The following ZMIZ1 variants were observed in gnomAD, a reference collection of about 807,000 sequenced individuals.
The protein encoded by ZMIZ1 is zinc finger MIZ-type containing 1.
ZMIZ1 carries 17 observed loss-of-function variants against 113.9 expected under a neutral mutation model. The ratio of observed to expected loss-of-function variants is 0.15; its 90% CI spans 0.10 to 0.22. ZMIZ1 has a LOEUF of 0.22. Among genes scored for constraint, ZMIZ1 ranks in the 10% least tolerant of loss-of-function variants. The pLI, the probability that ZMIZ1 is intolerant of heterozygous loss-of-function variation, is 1.00. For missense variants in ZMIZ1, 1,059 were observed against 1,477.8 expected, an observed-to-expected ratio of 0.72 and a Z score of 4.65; for synonymous variants, 607 against 603.1, an observed-to-expected ratio of 1.01 and a Z score of -0.09.
chr10:79,077,335 T>C (rs1232430772), intron 1 of ZMIZ1, among the ~76,000 whole-genome samples: 1 of 152,194 alleles, frequency 6.6e-6, no homozygotes, highest in Non-Finnish European at 1.5e-5. Flanking sequence ...TGAAACCCTT[T>C]CCTGGTGTGT....
intron 7 of ZMIZ1, among the ~76,000 whole-genome samples, chr10:79,233,965 G>A (rs1028976171): frequency 6.6e-6 from 1 of 152,098 alleles, no homozygotes; most frequent in Non-Finnish European, 1.5e-5. Context: ...GTCTTGCCGG[G>A]GGAGTCAGGC....
chr10:79,106,365 A>G (rs1421091243), intron 1 of ZMIZ1, among the ~76,000 whole-genome samples: 1 of 152,248 alleles, frequency 6.6e-6, no homozygotes, highest in African/African-American at 2.4e-5. Context: ...AGTGCTATAC[A>G]GAATAGCAAT....
chr10:79,296,684 GC>G lies in ZMIZ1; in HGVS notation c.1413+35del. The G allele has an allele frequency of 6.6e-7, 1 of 1,520,280 alleles. No homozygotes were observed. The allele number at this position is 1,520,280 out of a possible 1,614,324, so 94.2% of individuals were successfully genotyped here. On this transcript the variant is annotated intron_variant, in intron 13 of 24. Coordinates refer to ENST00000334512, the MANE Select transcript of ZMIZ1 (RefSeq NM_020338.4). The surrounding 1 kb of genome is among the most constrained non-coding windows in gnomAD (Gnocchi z 4.1). Reference sequence around the variant, plus strand: ...TCCCAGCCTCGCCACCACCCACGGGGCCCCTTCCCTCCTAACCACCTCACTC... The same window carrying G: ...TCCCAGCCTCGCCACCACCCACGGGGCCCTTCCCTCCTAACCACCTCACTC...
intron 7 of ZMIZ1, among the ~76,000 whole-genome samples, chr10:79,217,912 A>C (rs983184179): frequency 1.3e-5 from 2 of 152,262 alleles, no homozygotes; most frequent in Non-Finnish European, 2.9e-5. Context: ...ATAATGACTT[A>C]AGTCAATACA....
Position 79,289,780 on chromosome 10 carries a change from G to A in ZMIZ1, c.431G>A (p.Gly144Glu). The change falls in exon 9 of 25, where the codon GGG becomes GAG. Residue 144 changes from glycine to glutamate, a missense_variant. Coordinates refer to ENST00000334512, the MANE Select transcript of ZMIZ1 (RefSeq NM_020338.4). ...SMKPTLSHSD[G>E]SFPYDSVPWQ... is the part of the protein sequence containing the mutation. ...CCCTCTGTCTCCCTCTGCAGTGATG[G>A]GTCGTTCCCCTATGACTCTGTCCCT... The A allele has an allele frequency of 6.2e-7, 1 of 1,613,798 alleles. No individual in the cohort carries two copies.
chr10:79,218,337 C>T (rs1038210041), intron 7 of ZMIZ1, among the ~76,000 whole-genome samples: 10 of 151,874 alleles, frequency 6.6e-5, no homozygotes, highest in East Asian at 3.9e-4. Flanking sequence ...TAGCTGGGTG[C>T]GGTGGTGCAC....
At chr10:79,070,546 C>T (rs944056988) in intron 1 of ZMIZ1, among the ~76,000 whole-genome samples, 1 of 152,104 alleles carries the variant, frequency 6.6e-6, no homozygotes, top group African/African-American at 2.4e-5. Flanking sequence ...CCGGGCCCCC[C>T]ACCCCTCCCC....
At chr10:79,178,524 C>G (rs941465071) in intron 4 of ZMIZ1, among the ~76,000 whole-genome samples, 7 of 152,184 alleles carry the variant, frequency 4.6e-5, no homozygotes, top group Non-Finnish European at 1.0e-4. Flanking sequence ...TGAAGGAGGT[C>G]CCAGGAGGAG....
In ZMIZ1 at chr10:79,285,452, G is replaced by C. The variant is rs768126175; in HGVS notation, c.426-4323G>C. ...GGGGCTGAATCAGCCCCATTTCATA[G>C]ATGAGGTTGCTGAGGCATACAGAGA... On this transcript the variant is annotated intron_variant, in intron 8 of 24. Transcript: ENST00000334512. 23 of 455,926 alleles carry C rather than the reference G, an allele frequency of 5.0e-5. 2 individuals are homozygous for C. The highest frequency in any genetic ancestry group is 3.6e-4 in the South Asian group (23 of 64,562). The allele number at this position is 455,926 out of a possible 1,614,324, so 28.2% of individuals were successfully genotyped here.
intron 1 of ZMIZ1, among the ~76,000 whole-genome samples, chr10:79,109,356 G>T (rs530951610): frequency 1.3e-5 from 2 of 152,178 alleles, no homozygotes; most frequent in African/African-American, 2.4e-5. Context: ...ACATCCTTGC[G>T]TGCAACACAC....
intron 7 of ZMIZ1, among the ~76,000 whole-genome samples, chr10:79,268,978 G>T (rs1249598309): frequency 6.6e-6 from 1 of 152,152 alleles, no homozygotes; most frequent in Non-Finnish European, 1.5e-5. Flanking sequence ...AGGATGTGGT[G>T]ACCAGCGGGT....
intron 18 of ZMIZ1, among the ~76,000 whole-genome samples, 173 bp downstream of exon 18, chr10:79,302,385 G>A (rs1247207054): frequency 6.6e-6 from 1 of 152,222 alleles, no homozygotes; most frequent in African/African-American, 2.4e-5. Context: ...TCCTCCTGGG[G>A]CTGTTGTCGT....
At position 79,118,106 on chromosome 10, in the gene ZMIZ1, C is replaced by T. The variant is rs940436558; in HGVS notation, c.-336-809C>T. 1.3e-5 allele frequency among the ~76,000 whole-genome samples: 2 copies of T among 152,324 alleles called. No homozygotes were observed. Among genetic ancestry groups the T allele is most frequent in the East Asian group, 3.9e-4 (2 of 5,192 alleles). Reference sequence around the variant, plus strand: ...GCCTTGCCTTTCACCATGGGAGGAACCCTTTCCCTCTCAGGGCCTCAGTTT... The same window carrying T: ...GCCTTGCCTTTCACCATGGGAGGAATCCTTTCCCTCTCAGGGCCTCAGTTT... On this transcript the variant is annotated intron_variant, in intron 1 of 24. Coordinates refer to ENST00000334512, the MANE Select transcript of ZMIZ1 (RefSeq NM_020338.4). This position sits in a 1 kb window ranked among gnomAD's most constrained non-coding sequence, Gnocchi z 4.1.
At chr10:79,119,558 G>C (rs1353512312) in intron 2 of ZMIZ1, among the ~76,000 whole-genome samples, 4 of 152,198 alleles carry the variant, frequency 2.6e-5, no homozygotes, top group Non-Finnish European at 4.4e-5. Flanking sequence ...GTCCAGGTCT[G>C]TGTGGCTCCA....
intron 7 of ZMIZ1, among the ~76,000 whole-genome samples, chr10:79,263,241 C>A (rs1851376483): frequency 6.6e-6 from 1 of 152,244 alleles, no homozygotes; most frequent in Non-Finnish European, 1.5e-5. Flanking sequence ...TCGGTCTTTG[C>A]AGGGTTTAGA....
intron 1 of ZMIZ1, among the ~76,000 whole-genome samples, chr10:79,101,391 G>T (rs768788888): frequency 1.3e-5 from 2 of 152,154 alleles, no homozygotes; most frequent in Non-Finnish European, 2.9e-5. Context: ...GTGCTGGGGG[G>T]ATGCTGTCAG....
intron 7 of ZMIZ1, among the ~76,000 whole-genome samples, chr10:79,276,192 T>A (rs1357061611): frequency 6.6e-6 from 1 of 152,128 alleles, no homozygotes; most frequent in Non-Finnish European, 1.5e-5. Flanking sequence ...CTAAGCAAAC[T>A]GAGGCCCAGA....
At chr10:79,168,667 C>T (rs988750864) in intron 4 of ZMIZ1, among the ~76,000 whole-genome samples, 5 of 152,210 alleles carry the variant, frequency 3.3e-5, no homozygotes, top group Non-Finnish European at 7.3e-5. Flanking sequence ...GCGGACTCCA[C>T]GAGAAATAAT....
rs186789930 is a variant in ZMIZ1 at position 79,072,169 on chromosome 10, G to T, written c.-337+2899G>T. On this transcript the variant is annotated intron_variant, in intron 1 of 24. Transcript: ENST00000334512. ...TGTCCCTTTTCCCTCCTAAGCAAAG[G>T]GGGGAGGAGGGTTCTTGTTCCTCTC... Among the ~76,000 whole-genome samples the T allele has an allele frequency of 5.9e-5, 9 of 152,314 alleles. No homozygotes were observed. In the South Asian group the frequency reaches 8.3e-4, roughly 14 times the overall value.
Sources: allele counts gnomAD v4.1 joint callset (sites outside exome capture counted in the v4.1 genomes callset), GRCh38; gene constraint gnomAD v4.1.1; non-coding constraint Gnocchi (gnomAD v3.1); transcripts MANE v1.5; gene names NCBI Gene and HGNC (gene_info 2026-07-23, HGNC 2026-07-21).